Variants in TSPEAR observed in about 807,000 individuals in gnomAD.
TSPEAR encodes thrombospondin type laminin G domain and EAR repeats, also known as thrombospondin-type laminin G domain and EAR repeat-containing protein.
In TSPEAR, 69 loss-of-function variants were observed where a neutral mutation model predicts 71.6. The observed-to-expected ratio is 0.96, with a 90% CI of 0.79 to 1.18. The LOEUF (loss-of-function observed/expected upper bound fraction) is 1.18, where lower values mean the gene tolerates loss of function less well. Ranked by LOEUF, TSPEAR falls within the 50% of genes most tolerant of loss-of-function variation. TSPEAR has a pLI of 0.00. For missense variants in TSPEAR, 971 were observed against 894.9 expected, an observed-to-expected ratio of 1.09 and a Z score of -1.09; for synonymous variants, 402 against 387.2, an observed-to-expected ratio of 1.04 and a Z score of -0.45.
chr21:44,684,998 T>A (rs1315075504), intron 1 of TSPEAR, among the ~76,000 whole-genome samples: 1 of 152,192 alleles, frequency 6.6e-6, no homozygotes, highest in African/African-American at 2.4e-5. Context: ...TCGCCCGGCT[T>A]GTCCCTAGGC....
intron 1 of TSPEAR, among the ~76,000 whole-genome samples, chr21:44,572,435 C>T (rs903351070): frequency 4.6e-5 from 7 of 152,152 alleles, no homozygotes; most frequent in African/African-American, 1.7e-4. Context: ...TTTTCAGCCA[C>T]TATTCCCTAA....
intron 1 of TSPEAR, chr21:44,600,625 G>T (rs1555928344): frequency 6.2e-7 from 1 of 1,612,230 alleles, no homozygotes; most frequent in African/African-American, 1.3e-5. Context: ...CCCCAGCATG[G>T]CTGCGTCCAC....
At chr21:44,667,022 A>C in intron 1 of TSPEAR, 1 of 1,036,906 alleles carries the variant, frequency 9.6e-7, no homozygotes, top group South Asian at 1.7e-5. Flanking sequence ...TTTCTTCCTC[A>C]GTGCTGTCTC....
chr21:44,589,617 C>T (rs915408176), intron 1 of TSPEAR, among the ~76,000 whole-genome samples: 3 of 152,170 alleles, frequency 2.0e-5, no homozygotes, highest in Non-Finnish European at 2.9e-5. Context: ...GAAGACACAT[C>T]GAATGAGGAC....
At chr21:44,529,982 G>T (rs1555915552) in intron 4 of TSPEAR, 28 bp from the exon 5 acceptor site, 1 of 1,540,038 alleles carries the variant, frequency 6.5e-7, no homozygotes, top group Non-Finnish European at 8.7e-7. Context: ...GCTCCTTCAG[G>T]CCCGCGCTGC....
In TSPEAR at chr21:44,637,454, T is replaced by C. The variant is rs1555937001; in HGVS notation, c.83-69449A>G. On this transcript the variant is annotated intron_variant, in intron 1 of 11. Transcript: ENST00000323084. ...CACCATGTCCATCTGCTCCAGCGCC[T>C]GCACTGACTCTTGGCGGGTAGTCGA... 3.1e-6 allele frequency: 5 copies of C among 1,612,628 alleles called. No homozygotes were observed. In the African/African-American group the frequency reaches 5.3e-5, roughly 17 times the overall value.
chr21:44,676,649 G>T, intron 1 of TSPEAR: 4 of 768,450 alleles, frequency 5.2e-6, no homozygotes, highest in Non-Finnish European at 9.7e-6. Flanking sequence ...TGAACCCTAA[G>T]GACATCTCAC....
At chr21:44,613,845 C>T (rs947615794) in intron 1 of TSPEAR, among the ~76,000 whole-genome samples, 1 of 152,120 alleles carries the variant, frequency 6.6e-6, no homozygotes, top group Non-Finnish European at 1.5e-5. Flanking sequence ...TCCTTCACGT[C>T]GTTTAGGTGC....
rs782079365 is a variant in TSPEAR at position 44,627,441 on chromosome 21, C to G, written c.83-59436G>C. ...AGTCTAGCTGCCAGCCGGCTTACTG[C>G]ACCTCCTCCCCCTGCCAGCAGGCCT... On this transcript the variant is annotated intron_variant, in intron 1 of 11. Transcript: ENST00000323084. The G allele has an allele frequency of 6.3e-5, 101 of 1,613,462 alleles. No individual in the cohort carries two copies. Among genetic ancestry groups the G allele is most frequent in the Middle Eastern group, 1.6e-4 (1 of 6,076 alleles).
In TSPEAR at chr21:44,623,286, C is replaced by T. The variant is rs782128525; in HGVS notation, c.83-55281G>A. 6.6e-6 allele frequency among the ~76,000 whole-genome samples: 1 copy of T among 152,180 alleles called. No homozygotes were observed. Among genetic ancestry groups the T allele is most frequent in the African/African-American group, 2.4e-5 (1 of 41,444 alleles). On this transcript the variant is annotated intron_variant, in intron 1 of 11. Transcript: ENST00000323084. This position sits in a 1 kb window ranked among gnomAD's most constrained non-coding sequence, Gnocchi z 4.5. Reference sequence around the variant, plus strand: ...CTGAGTTGTATATTCTTTCATTACTCTAGTGGAGATTACAACATGAATCTA... The same window carrying T: ...CTGAGTTGTATATTCTTTCATTACTTTAGTGGAGATTACAACATGAATCTA...
At chr21:44,689,813 G>A (rs1281745078) in intron 1 of TSPEAR, among the ~76,000 whole-genome samples, 2 of 147,684 alleles carry the variant, frequency 1.4e-5, no homozygotes, top group South Asian at 4.4e-4. Context: ...AAGCTGAGGA[G>A]CAAAGAGATC....
intron 1 of TSPEAR, among the ~76,000 whole-genome samples, chr21:44,610,453 G>C (rs181319323): frequency 1.4e-4 from 22 of 152,338 alleles, no homozygotes; most frequent in Non-Finnish European, 2.2e-4. Flanking sequence ...GAGCCTGCAG[G>C]TGCACAGAAG....
chr21:44,500,711 T>G (rs947415200), intron 11 of TSPEAR, among the ~76,000 whole-genome samples: 1 of 152,246 alleles, frequency 6.6e-6, no homozygotes, highest in South Asian at 2.1e-4. Flanking sequence ...GGGTTTTGCT[T>G]TGAGGACAAA....
intron 1 of TSPEAR, among the ~76,000 whole-genome samples, chr21:44,660,257 T>C (rs782642938): frequency 3.3e-5 from 5 of 152,100 alleles, no homozygotes; most frequent in Non-Finnish European, 7.4e-5. Context: ...ATACATAAAG[T>C]CCCATATCCA....
intron 1 of TSPEAR, among the ~76,000 whole-genome samples, chr21:44,610,565 G>T (rs900860525): frequency 6.6e-6 from 1 of 152,264 alleles, no homozygotes; most frequent in African/African-American, 2.4e-5. Context: ...GGCCCTCATG[G>T]AGAACCTCTG....
intron 1 of TSPEAR, chr21:44,591,681 G>A (rs781849099): frequency 2.3e-5 from 36 of 1,571,176 alleles, no homozygotes; most frequent in African/African-American, 4.1e-5. Context: ...CACAGCAGGC[G>A]TGCTGGCAGG....
In TSPEAR at chr21:44,573,747, G is replaced by A. The variant is rs781967779; in HGVS notation, c.83-5742C>T. On this transcript the variant is annotated intron_variant, in intron 1 of 11. Coordinates refer to ENST00000323084, the MANE Select transcript of TSPEAR (RefSeq NM_144991.3). The stretch of plus-strand genomic sequence containing the variant: ...CTCCCCCAGCTCAACCCCCAGCACA[G>A]CAGCATCCACCATGTCCGTCTGCTC... 4.3e-6 allele frequency: 7 copies of A among 1,610,156 alleles called. No individual in the cohort carries two copies. In the East Asian group the frequency reaches 8.9e-5, roughly 21 times the overall value.
chr21:44,529,710 G>A, intron 5 of TSPEAR, 88 bp downstream of exon 5: 1 of 1,473,078 alleles, frequency 6.8e-7, no homozygotes, highest in South Asian at 1.2e-5. Flanking sequence ...GAGAGGGGCT[G>A]AGAGCTGAGC....
intron 1 of TSPEAR, among the ~76,000 whole-genome samples, chr21:44,572,030 G>A (rs2053806973): frequency 6.6e-6 from 1 of 152,222 alleles, no homozygotes; most frequent in South Asian, 2.1e-4. Context: ...ACCAATTACA[G>A]AGGGAAACGG....
Sources: allele counts gnomAD v4.1 joint callset (sites outside exome capture counted in the v4.1 genomes callset), GRCh38; gene constraint gnomAD v4.1.1; non-coding constraint Gnocchi (gnomAD v3.1); transcripts MANE v1.5; gene names NCBI Gene and HGNC (gene_info 2026-07-23, HGNC 2026-07-21).